Variants in ERLEC1 observed in about 807,000 individuals in gnomAD.
ERLEC1 encodes the protein ER lectin.
In ERLEC1, 47 loss-of-function variants were observed where a neutral mutation model predicts 68.0. That is an observed-to-expected ratio of 0.69 (90% CI 0.55 to 0.88). The LOEUF (loss-of-function observed/expected upper bound fraction) is 0.88. Among genes scored for constraint, ERLEC1 ranks in the 40% least tolerant of loss-of-function variants. The pLI is 0.00. For missense variants in ERLEC1, 567 were observed against 583.8 expected (o/e 0.97, Z 0.30); for synonymous variants, 225 against 203.2 (o/e 1.11, Z -0.91).
At chr2:53,817,264 G>C (rs1054096759) in intron 13 of ERLEC1, among the ~76,000 whole-genome samples, 5 of 151,904 alleles carry the variant, frequency 3.3e-5, no homozygotes, top group Non-Finnish European at 1.5e-5. Context: ...CTCCCCAGTA[G>C]CTGGGACTAC....
intron 13 of ERLEC1, among the ~76,000 whole-genome samples, chr2:53,815,611 C>A (rs919377489): frequency 3.3e-5 from 5 of 152,098 alleles, no homozygotes; most frequent in African/African-American, 1.2e-4. Context: ...TGATTTATGA[C>A]ATTGTAGATT....
intron 1 of ERLEC1, 113 bp downstream of exon 1, chr2:53,787,485 C>T (rs1675114712): frequency 1.5e-6 from 2 of 1,300,922 alleles, no homozygotes; most frequent in Non-Finnish European, 1.0e-6. Flanking sequence ...CAGACTCTTA[C>T]CTTCCCCAAG....
chr2:53,787,477 G>A (rs1675114200), intron 1 of ERLEC1, 105 bp downstream of exon 1: 2 of 1,360,282 alleles, frequency 1.5e-6, no homozygotes, highest in East Asian at 2.4e-5. Context: ...CTTCTCTGCA[G>A]ACTCTTACCT....
At chr2:53,801,908 T>C in intron 8 of ERLEC1, 66 bp downstream of exon 8, 4 of 1,326,788 alleles carry the variant, frequency 3.0e-6, no homozygotes, top group Non-Finnish European at 4.2e-6. Flanking sequence ...CATATGTCAA[T>C]ATTTTAATGA....
chr2:53,808,292 A>AT lies in ERLEC1; in HGVS notation c.880-3dup, dbSNP rs756720798. 6.8e-6 allele frequency: 11 copies of AT among 1,612,176 alleles called. No individual in the cohort carries two copies. In the African/African-American group the frequency reaches 1.5e-4, roughly 22 times the overall value. On this transcript the variant is annotated splice_polypyrimidine_tract_variant and splice_region_variant and intron_variant, in intron 8 of 13. Coordinates refer to ENST00000185150, the MANE Select transcript of ERLEC1 (RefSeq NM_015701.5). ...GGAAACCCTTAAACGTGTGTGTTTA[A>AT]TTTTAGGAAGATTTGCAATCAACTA... is the stretch of plus-strand genomic sequence containing the variant.
In ERLEC1 at chr2:53,804,818, C is replaced by T. The variant is rs184083313; in HGVS notation, c.879+2976C>T. ...CTTCACAACCTCCCACTACCCTTCCCAGCCTATAGTAACCATCCTTCTACT... is the reference window on the plus strand; with the variant it reads ...CTTCACAACCTCCCACTACCCTTCCTAGCCTATAGTAACCATCCTTCTACT... On this transcript the variant is annotated intron_variant, in intron 8 of 13. Coordinates refer to ENST00000185150, the MANE Select transcript of ERLEC1 (RefSeq NM_015701.5). 1.6e-4 allele frequency among the ~76,000 whole-genome samples: 24 copies of T among 152,068 alleles called. No homozygotes were observed. The South Asian group carries it at 4.4e-3, about 28-fold the overall frequency.
chr2:53,799,084 A>G lies in ERLEC1; in HGVS notation c.525+3A>G, dbSNP rs1443264508. ...AAGAAAAGGAAAAATCAAATGAGGCAAGTGACAGATGTTGATTTTTTTCCT... is the reference window on the plus strand; with the variant it reads ...AAGAAAAGGAAAAATCAAATGAGGCGAGTGACAGATGTTGATTTTTTTCCT... On this transcript the variant is annotated splice_donor_region_variant and intron_variant, in intron 6 of 13. Coordinates refer to ENST00000185150, the MANE Select transcript of ERLEC1 (RefSeq NM_015701.5). 11 of 1,611,410 alleles carry G rather than the reference A, an allele frequency of 6.8e-6. No individual in the cohort carries two copies. Among genetic ancestry groups the G allele is most frequent in the Non-Finnish European group, 8.5e-6 (10 of 1,178,404 alleles).
At chr2:53,791,522 G>A (rs1181153652) in intron 1 of ERLEC1, among the ~76,000 whole-genome samples, 1 of 151,962 alleles carries the variant, frequency 6.6e-6, no homozygotes, top group African/African-American at 2.4e-5. Context: ...CTTTTTCTCC[G>A]TAATTCCTGT....
intron 3 of ERLEC1, among the ~76,000 whole-genome samples, chr2:53,796,683 C>T (rs1446066939): frequency 2.0e-5 from 3 of 151,944 alleles, no homozygotes; most frequent in Non-Finnish European, 4.4e-5. Flanking sequence ...CTCCTGAACT[C>T]AAGCCATCCA....
intron 1 of ERLEC1, among the ~76,000 whole-genome samples, chr2:53,791,523 T>G (rs78846442): frequency 0.096 from 14,655 of 152,260 alleles, 920 homozygotes; most frequent in Non-Finnish European, 0.14. Flanking sequence ...TTTTTCTCCG[T>G]AATTCCTGTT....
At chr2:53,789,827 T>G (rs1044828899) in intron 1 of ERLEC1, among the ~76,000 whole-genome samples, 3 of 151,974 alleles carry the variant, frequency 2.0e-5, no homozygotes, top group African/African-American at 7.2e-5. Context: ...GAGACTAGCC[T>G]AGGCAACATG....
chr2:53,809,577 T>C (rs1453540574), intron 10 of ERLEC1, among the ~76,000 whole-genome samples: 1 of 152,174 alleles, frequency 6.6e-6, no homozygotes, highest in Admixed American at 6.5e-5. Context: ...TTCTTACAAC[T>C]TATCCTTAAA....
intron 11 of ERLEC1, among the ~76,000 whole-genome samples, chr2:53,814,057 T>C (rs1335503447): frequency 6.6e-6 from 1 of 152,228 alleles, no homozygotes; most frequent in Admixed American, 6.5e-5. Flanking sequence ...GAATGAGTGT[T>C]AGACTGGTAA....
intron 8 of ERLEC1, among the ~76,000 whole-genome samples, chr2:53,805,847 G>T (rs931516858): frequency 6.6e-6 from 1 of 152,110 alleles, no homozygotes; most frequent in Non-Finnish European, 1.5e-5. Flanking sequence ...GTTTTAACTG[G>T]GGTCAGATGA....
chr2:53,816,265 GTTTTTTTTT>G (rs57918616), intron 13 of ERLEC1, among the ~76,000 whole-genome samples: 1 of 121,832 alleles, frequency 8.2e-6, no homozygotes, highest in Non-Finnish European at 1.7e-5. Context: ...GTTTTGGTTG[GTTTTTTTTT>G]TTTTTTTTTT....
chr2:53,806,821 C>T (rs142179422), intron 8 of ERLEC1, among the ~76,000 whole-genome samples: 12 of 152,278 alleles, frequency 7.9e-5, no homozygotes, highest in African/African-American at 2.6e-4. Context: ...CATTTATAAT[C>T]GGTGCACTCA....
chr2:53,813,009 G>T lies in ERLEC1; in HGVS notation c.1162G>T (p.Glu388Ter). 1 of 1,613,874 alleles carries T rather than the reference G, an allele frequency of 6.2e-7. No homozygotes were observed. The highest frequency in any genetic ancestry group is 8.5e-7 in the Non-Finnish European group (1 of 1,179,954). ...GACATGGAACCAAGAAGAGCATATT[G>T]AATGGGCTAAGAAGAATACTGCTAG... ...VGTWNQEEHI[E>*]WAKKNTARAY... The change falls in exon 11 of 14, where the codon GAA becomes TAA. Residue 388 changes from glutamate (E) to a stop codon, truncating the protein, a stop_gained. Coordinates refer to ENST00000185150, the MANE Select transcript of ERLEC1 (RefSeq NM_015701.5). LOFTEE classifies it high-confidence loss of function.
chr2:53,803,768 TA>T (rs1171227071), intron 8 of ERLEC1, among the ~76,000 whole-genome samples: 1 of 152,156 alleles, frequency 6.6e-6, no homozygotes, highest in Non-Finnish European at 1.5e-5. Context: ...ATTAATTAAA[TA>T]ATAGGTTTAA....
At chr2:53,812,804 T>C (rs1319133597) in intron 10 of ERLEC1, 145 bp from the exon 11 acceptor site, 23 of 764,790 alleles carry the variant, frequency 3.0e-5, no homozygotes, top group East Asian at 3.0e-5. Context: ...TTTCCACTCA[T>C]TGAATTTGAC....
Sources: gnomAD v4.1 joint callset for allele counts (sites outside exome capture counted in the v4.1 genomes callset) on GRCh38, gnomAD v4.1.1 for gene constraint, MANE v1.5 for transcripts, NCBI Gene and HGNC (gene_info 2026-07-23, HGNC 2026-07-21) for gene names.